Variants in MTX3 observed in about 807,000 individuals in gnomAD.
The protein encoded by MTX3 is metaxin 3.
MTX3 carries 27 observed loss-of-function variants against 42.5 expected under a neutral mutation model. That is an observed-to-expected ratio of 0.64 (90% CI 0.47 to 0.88). The LOEUF is 0.88. Ranked by LOEUF, MTX3 falls within the 40% of genes least tolerant of loss-of-function variation. The pLI is 0.00. For missense variants in MTX3, 378 were observed against 367.0 expected (o/e 1.03, Z -0.25); for synonymous variants, 144 against 132.9 (o/e 1.08, Z -0.57).
At chr5:79,990,984 GCGGGGGTATCGGCCAGGTTGGGACTCGT>G in intron 1 of MTX3, 146 bp downstream of exon 1, 1 of 764,774 alleles carries the variant, frequency 1.3e-6, no homozygotes, top group Non-Finnish European at 2.3e-6. Context: ...CCGGCCTTCG[GCGGGGGTATCGGCCAGGTTGGGACTCGT>G]CGGTGGGAGG....
chr5:79,982,462 T>A lies in MTX3; in HGVS notation c.*1222A>T, dbSNP rs1244504070. On this transcript the variant is annotated 3_prime_UTR_variant, in exon 9 of 9. Transcript: ENST00000512528. ...CCACAGTAATCTTTTAAGACACTAA[T>A]CAAAAACATGGTTCTACATTTTAAA... The A allele has an allele frequency of 6.4e-5, 29 of 455,634 alleles. No homozygotes were observed. The highest frequency in any genetic ancestry group is 5.2e-4 in the African/African-American group (26 of 50,136). 28.2% of individuals were successfully genotyped at this position (455,634 alleles called of 1,614,324 possible). A position where few individuals can be genotyped will look rare whatever the true frequency, so the allele number is the denominator to read the frequency against.
rs1421455353 is a variant in MTX3, at chr5:79,979,550, C to CATTA, written c.*4130_*4133dup. ...TTAAAACGAAAAGCTACACCTTCTT[C>CATTA]ATTAAAGGTGAGCATCTTGTCACAC... On this transcript the variant is annotated 3_prime_UTR_variant, in exon 9 of 9. Transcript: ENST00000512528. 2 of 152,182 alleles carry CATTA rather than the reference C, an allele frequency of 1.3e-5. No homozygotes were observed. The highest frequency in any genetic ancestry group is 2.9e-5 in the Non-Finnish European group (2 of 68,038). The allele number at this position is 152,182 out of a possible 1,614,324, so 9.4% of individuals were successfully genotyped here.
At chr5:79,987,805 AT>A (rs909809800) in intron 6 of MTX3, among the ~76,000 whole-genome samples, 3 of 151,920 alleles carry the variant, frequency 2.0e-5, no homozygotes, top group Non-Finnish European at 4.4e-5. Context: ...AGCCCATTAA[AT>A]TTTTTTCTTG....
At chr5:79,990,549 A>G (rs1206921361) in intron 2 of MTX3, 45 bp downstream of exon 2, 1 of 1,240,906 alleles carries the variant, frequency 8.1e-7, no homozygotes, top group East Asian at 2.4e-5. Context: ...ATGGAAGAAG[A>G]AAAAAAAGAG....
Position 79,978,751 on chromosome 5 carries a change from T to A in MTX3, c.*4933A>T, listed in dbSNP as rs1831310526. On this transcript the variant is annotated 3_prime_UTR_variant, in exon 9 of 9. Coordinates refer to ENST00000512528, the MANE Select transcript of MTX3 (RefSeq NM_001363818.2). The stretch of plus-strand genomic sequence containing the variant: ...TAACCCACTATTTCCCAAACTTACT[T>A]GGCCACAGAACCCTCTATTCTCCTA... 1 of 152,400 alleles carries A rather than the reference T, an allele frequency of 6.6e-6. No individual in the cohort carries two copies. Among genetic ancestry groups the A allele is most frequent in the African/African-American group, 2.4e-5 (1 of 41,450 alleles). The allele number at this position is 152,400 out of a possible 1,614,324, so 9.4% of individuals were successfully genotyped here. A position where few individuals can be genotyped will look rare whatever the true frequency, so the allele number is the denominator to read the frequency against.
intron 2 of MTX3, 64 bp from the exon 3 acceptor site, chr5:79,990,300 T>C (rs1831608905): frequency 8.9e-7 from 1 of 1,122,380 alleles, no homozygotes; most frequent in Non-Finnish European, 1.3e-6. Context: ...GATTCCAATA[T>C]CCTAAAAACT....
intron 1 of MTX3, 64 bp from the exon 2 acceptor site, chr5:79,990,727 T>C: frequency 8.4e-7 from 1 of 1,183,684 alleles, no homozygotes; most frequent in Non-Finnish European, 1.3e-6. Flanking sequence ...GCAGAGCAGC[T>C]TTACTTCACA....
chr5:79,988,424 C>T (rs1831547662), intron 5 of MTX3, 38 bp downstream of exon 5: 4 of 1,589,758 alleles, frequency 2.5e-6, no homozygotes, highest in South Asian at 1.1e-5. Flanking sequence ...TGTCCTTTCT[C>T]TCTAGGGCCC....
chr5:79,989,913 T>C (rs1384289345), intron 3 of MTX3, among the ~76,000 whole-genome samples: 1 of 152,194 alleles, frequency 6.6e-6, no homozygotes, highest in East Asian at 1.9e-4. Flanking sequence ...TTAAATCTAC[T>C]TACATACAAA....
At position 79,983,625 on chromosome 5, in the gene MTX3, C is replaced by T; in HGVS notation, c.*59G>A. 8.0e-7 allele frequency: 1 copy of T among 1,253,196 alleles called. No homozygotes were observed. The highest frequency in any genetic ancestry group is 1.2e-6 in the Non-Finnish European group (1 of 850,690). 77.6% of individuals were successfully genotyped at this position (1,253,196 alleles called of 1,614,324 possible). ...GGTATCTTCTTTTTGCCTTCACACA[C>T]TTGGTGTAAGAGATTACTGCAACAA... On this transcript the variant is annotated 3_prime_UTR_variant, in exon 9 of 9. Transcript: ENST00000512528.
chr5:79,987,200 G>A, intron 6 of MTX3, 93 bp from the exon 7 acceptor site: 1 of 1,153,570 alleles, frequency 8.7e-7, no homozygotes, highest in East Asian at 2.4e-5. Flanking sequence ...AGTACTTTGG[G>A]AGATCAAGCG....
rs972223907 is a variant in MTX3, at chr5:79,983,174, T to C, written c.*510A>G. 6.5e-6 allele frequency: 1 copy of C among 154,812 alleles called. No homozygotes were observed. The highest frequency in any genetic ancestry group is 6.3e-5 in the Admixed American group (1 of 15,818). The allele number at this position is 154,812 out of a possible 1,614,324, so 9.6% of individuals were successfully genotyped here. A position where few individuals can be genotyped will look rare whatever the true frequency, so the allele number is the denominator to read the frequency against. On this transcript the variant is annotated 3_prime_UTR_variant, in exon 9 of 9. Transcript: ENST00000512528. ...CCTCCTCACTTTTTAAAGTTAAATA[T>C]GGTCTCTTCTACTGAAGCAATTTAT...
chr5:79,987,086 A>C lies in MTX3; in HGVS notation c.603T>G (p.Tyr201Ter). The C allele has an allele frequency of 6.2e-7, 1 of 1,613,966 alleles. No homozygotes were observed. Among genetic ancestry groups the C allele is most frequent in the East Asian group, 2.2e-5 (1 of 44,878 alleles). The change falls in exon 7 of 9, where the codon TAT (tyrosine) becomes TAG (stop). Residue 201 changes from tyrosine (Y) to a stop codon, truncating the protein, a stop_gained. Transcript: ENST00000512528. LOFTEE classifies it high-confidence loss of function. ...FGDTPSTLDA[Y>*]VFGFLAPLYK... is the part of the protein sequence containing the mutation. ...AAAGAGGTGCAAGAAAACCAAAAAC[A>C]TAGGCATCCAAGGTAGAAGGCCTAG...
intron 1 of MTX3, 91 bp downstream of exon 1, chr5:79,991,067 C>G (rs1230175196): frequency 2.3e-6 from 3 of 1,313,840 alleles, no homozygotes; most frequent in Non-Finnish European, 3.2e-6. Flanking sequence ...CCTCCTGGAC[C>G]CCGCAGCGCA....
intron 1 of MTX3, 63 bp downstream of exon 1, chr5:79,991,095 G>C: frequency 6.8e-7 from 1 of 1,474,596 alleles, no homozygotes. Context: ...ACTGGGGCAA[G>C]TCAGCCTGGC....
intron 6 of MTX3, among the ~76,000 whole-genome samples, chr5:79,987,554 G>A (rs2151142576): frequency 1.3e-5 from 2 of 150,778 alleles, no homozygotes; most frequent in African/African-American, 2.4e-5. Context: ...GAATTACACA[G>A]TATAGTCTCT....
rs1168558171 is a variant in MTX3 at position 79,989,224 on chromosome 5, T to A, written c.249A>T (p.Glu83Asp). 1.2e-6 allele frequency: 2 copies of A among 1,602,058 alleles called. No individual in the cohort carries two copies. The highest frequency in any genetic ancestry group is 2.7e-5 in the African/African-American group (2 of 74,414). ...LRKQKYNADYELSAKQGADTL... is the reference protein window; with the variant it reads ...LRKQKYNADYDLSAKQGADTL... ...TATCTGCCCCTTGTTTTGCTGAGAG[T>A]TCATAATCAGCATTATATTTCTATT... is the stretch of plus-strand genomic sequence containing the variant. Residue 83 changes from glutamate (E) to aspartate (D), a missense_variant, in exon 4 of 9, where the codon GAA (glutamate) becomes GAT (aspartate). Glu to Asp is a conservative substitution (Grantham distance 45). Transcript: ENST00000512528.
chr5:79,987,341 G>A (rs978199790), intron 6 of MTX3, among the ~76,000 whole-genome samples: 4 of 150,560 alleles, frequency 2.7e-5, no homozygotes, highest in Non-Finnish European at 4.4e-5. Flanking sequence ...TTGGGAGGTT[G>A]AGGCAGGAGA....
chr5:79,982,672 T>C lies in MTX3; in HGVS notation c.*1012A>G, dbSNP rs1393907450. On this transcript the variant is annotated 3_prime_UTR_variant, in exon 9 of 9. Transcript: ENST00000512528. ...GTATTCTTCGACTATAAGTGAAACATATGAAAAATAATTGGTTGTCAGAAA... is the reference window on the plus strand; with the variant it reads ...GTATTCTTCGACTATAAGTGAAACACATGAAAAATAATTGGTTGTCAGAAA... 1 of 223,438 alleles carries C rather than the reference T, an allele frequency of 4.5e-6. No homozygotes were observed. Among genetic ancestry groups the C allele is most frequent in the African/African-American group, 2.3e-5 (1 of 43,320 alleles). 13.8% of individuals were successfully genotyped at this position (223,438 alleles called of 1,614,324 possible).
Sources: allele counts gnomAD v4.1 joint callset (sites outside exome capture counted in the v4.1 genomes callset), GRCh38; gene constraint gnomAD v4.1.1; transcripts MANE v1.5; gene names NCBI Gene and HGNC (gene_info 2026-07-23, HGNC 2026-07-21).